Variants in BMS1 observed in about 807,000 individuals in gnomAD.
BMS1 encodes the protein ribosome biogenesis protein BMS1 homolog.
Under a neutral mutation model 138.7 loss-of-function variants are expected in BMS1, and 53 were observed. That is an observed-to-expected ratio of 0.38 (90% CI 0.31 to 0.48). BMS1 has a LOEUF of 0.48. BMS1 is among the 20% of genes least tolerant of loss of function. The pLI is 0.97. For synonymous variants in BMS1, 504 were observed against 539.9 expected (o/e 0.93, Z 0.92); for missense variants, 1,360 against 1,565.5 (o/e 0.87, Z 2.22).
chr10:42,821,632 A>G (rs1010959091), intron 18 of BMS1, among the ~76,000 whole-genome samples: 7 of 139,514 alleles, frequency 5.0e-5, no homozygotes, highest in Non-Finnish European at 1.5e-5. Flanking sequence ...GGCTCACTGC[A>G]ACCTCTGCCT....
chr10:42,783,485 A>G (rs960951452), intron 1 of BMS1, among the ~76,000 whole-genome samples: 8 of 152,236 alleles, frequency 5.3e-5, no homozygotes, highest in African/African-American at 1.9e-4. Flanking sequence ...TGCCTAGCAC[A>G]TCGTAGACAG....
In BMS1 at chr10:42,830,247, G is replaced by A. The variant is rs1280425130; in HGVS notation, c.3457-14G>A. The A allele has an allele frequency of 1.9e-6, 3 of 1,608,590 alleles. No individual in the cohort carries two copies. The highest frequency in any genetic ancestry group is 2.2e-5 in the East Asian group (1 of 44,866). Reference sequence around the variant, plus strand: ...ATAATTTGAATATGTCACAGTCTTTGTTTTTCTTTTCAGCCAATCCTGAGG... The same window carrying A: ...ATAATTTGAATATGTCACAGTCTTTATTTTTCTTTTCAGCCAATCCTGAGG... On this transcript the variant is annotated splice_polypyrimidine_tract_variant and intron_variant, in intron 21 of 22. Coordinates refer to ENST00000374518, the MANE Select transcript of BMS1 (RefSeq NM_014753.4).
At position 42,792,925 on chromosome 10, in the gene BMS1, G is replaced by C. The variant is rs775120625; in HGVS notation, c.902-32G>C. On this transcript the variant is annotated intron_variant, in intron 7 of 22. Transcript: ENST00000374518. ...GGTAGATGCTTCTGACTTCTTGTCA[G>C]CTGAAGCTGGCTTTTGGGTTCTGTC... is the stretch of plus-strand genomic sequence containing the variant. 72 of 1,591,782 alleles carry C rather than the reference G, an allele frequency of 4.5e-5. No individual in the cohort carries two copies. The Middle Eastern group carries it at 8.8e-4, about 19-fold the overall frequency.
rs749716811 is a variant in BMS1, at chr10:42,796,498, A to G, written c.1254A>G (p.Lys418=). Residue 418 remains lysine (K), a synonymous_variant, in exon 10 of 23, where the codon AAA becomes AAG. Coordinates refer to ENST00000374518, the MANE Select transcript of BMS1 (RefSeq NM_014753.4). The part of the protein sequence containing the change: ...NQGLMMPKEE[K]QMDLNTGRMR... ...GGCTAATGATGCCAAAGGAGGAAAAACAAATGGACTTGAACACTGGTCGAA... is the reference window on the plus strand; with the variant it reads ...GGCTAATGATGCCAAAGGAGGAAAAGCAAATGGACTTGAACACTGGTCGAA... 2.5e-6 allele frequency: 4 copies of G among 1,612,968 alleles called. No individual in the cohort carries two copies. The highest frequency in any genetic ancestry group is 2.5e-6 in the Non-Finnish European group (3 of 1,178,986).
At chr10:42,817,546 A>C in intron 15 of BMS1, 52 bp downstream of exon 15, 1 of 1,535,650 alleles carries the variant, frequency 6.5e-7, no homozygotes. Context: ...CATATAGCGC[A>C]GGAATCCCTG....
At chr10:42,826,216 T>C (rs541670483) in intron 21 of BMS1, among the ~76,000 whole-genome samples, 1 of 150,454 alleles carries the variant, frequency 6.6e-6, no homozygotes, top group East Asian at 2.0e-4. Context: ...ATTGGAGAAG[T>C]TGACCTGTAG....
Position 42,820,243 on chromosome 10 carries a change from G to T in BMS1, c.2588G>T (p.Arg863Leu), listed in dbSNP as rs149685685. 24 of 1,611,106 alleles carry T rather than the reference G, an allele frequency of 1.5e-5. No individual in the cohort carries two copies. The highest frequency in any genetic ancestry group is 2.0e-5 in the Non-Finnish European group (24 of 1,179,768). ...ATTCCCCATCATGTACAGCTGAATC[G>T]CGCAGAATTTGAAGATCAAGATGAT... is the stretch of plus-strand genomic sequence containing the variant. Reference protein sequence around the residue: ...GEMQKQAQLNRAEFEDQDDEA... With the variant: ...GEMQKQAQLNLAEFEDQDDEA... The change falls in exon 16 of 23, where the codon CGC (arginine) becomes CTC (leucine). Residue 863 changes from arginine to leucine, a missense_variant. Physicochemically the swap from Arg to Leu is moderately radical, Grantham distance 102. Transcript: ENST00000374518.
At chr10:42,812,201 G>A (rs1020495093) in intron 13 of BMS1, among the ~76,000 whole-genome samples, 27 of 152,282 alleles carry the variant, frequency 1.8e-4, no homozygotes, top group African/African-American at 5.3e-4. Context: ...GCTAGAGTGC[G>A]GTGGCATGAA....
chr10:42,798,652 A>G (rs373417095), intron 12 of BMS1, 27 bp downstream of exon 12: 126 of 1,608,662 alleles, frequency 7.8e-5, no homozygotes, highest in Non-Finnish European at 1.0e-4. Flanking sequence ...CATTTGATTT[A>G]TTAGAGAATT....
intron 1 of BMS1, among the ~76,000 whole-genome samples, chr10:42,783,914 T>C (rs193000925): frequency 3.9e-5 from 6 of 152,308 alleles, no homozygotes; most frequent in African/African-American, 1.4e-4. Context: ...ACTTCATCAG[T>C]CCAGTTGATA....
At chr10:42,788,652 A>G (rs1841412445) in intron 4 of BMS1, among the ~76,000 whole-genome samples, 1 of 152,106 alleles carries the variant, frequency 6.6e-6, no homozygotes, top group Non-Finnish European at 1.5e-5. Flanking sequence ...TCCCCTTCCC[A>G]GCCTCTTAAC....
At chr10:42,788,827 C>G (rs568715250) in intron 4 of BMS1, among the ~76,000 whole-genome samples, 236 of 152,274 alleles carry the variant, frequency 1.5e-3, no homozygotes, top group Non-Finnish European at 2.7e-3. Flanking sequence ...GAGCAGTATC[C>G]TTTTAGATAC....
chr10:42,793,486 A>G (rs545081123), intron 8 of BMS1, among the ~76,000 whole-genome samples: 12 of 152,108 alleles, frequency 7.9e-5, no homozygotes, highest in African/African-American at 2.7e-4. Context: ...TGGTCTCCTC[A>G]TGCTGTATTT....
In BMS1 at chr10:42,782,835, G is replaced by A. The variant is rs1411058267; in HGVS notation, c.-34+5G>A. 6.5e-6 allele frequency: 1 copy of A among 153,292 alleles called. No individual in the cohort carries two copies. The highest frequency in any genetic ancestry group is 1.9e-4 in the East Asian group (1 of 5,192). 9.5% of individuals were successfully genotyped at this position (153,292 alleles called of 1,614,324 possible). On this transcript the variant is annotated splice_donor_5th_base_variant and intron_variant, in intron 1 of 22. Transcript: ENST00000374518. The stretch of plus-strand genomic sequence containing the variant: ...AGGAGTCGCGGCTGCGAGCAGGTTC[G>A]GTGCTGCGGGTTGGGGTAGGCGGCG...
rs1842847088 is a variant in BMS1, at chr10:42,834,858, T to C, written c.*3762T>C. 6.6e-6 allele frequency: 1 copy of C among 152,192 alleles called. No individual in the cohort carries two copies. 9.4% of individuals were successfully genotyped at this position (152,192 alleles called of 1,614,324 possible). Reference sequence around the variant, plus strand: ...TTTTTGAGGGGAGGGGTGGGCTTGTTTTTTTCTGTGTTTCGGTTTTTTCCA... The same window carrying C: ...TTTTTGAGGGGAGGGGTGGGCTTGTCTTTTTCTGTGTTTCGGTTTTTTCCA... On this transcript the variant is annotated 3_prime_UTR_variant, in exon 23 of 23. Transcript: ENST00000374518.
chr10:42,805,177 G>A (rs1841977985), intron 13 of BMS1, among the ~76,000 whole-genome samples: 1 of 152,092 alleles, frequency 6.6e-6, no homozygotes, highest in South Asian at 2.1e-4. Flanking sequence ...ATAGAGTGTT[G>A]GGTATGGATT....
At chr10:42,790,575 C>T (rs532221339) in intron 5 of BMS1, 64 bp downstream of exon 5, 113 of 1,541,840 alleles carry the variant, frequency 7.3e-5, no homozygotes, top group Non-Finnish European at 9.4e-5. Context: ...CTGAAGAGGC[C>T]GGGTGCAGTG....
At chr10:42,810,984 T>G (rs1842157873) in intron 13 of BMS1, among the ~76,000 whole-genome samples, 1 of 152,298 alleles carries the variant, frequency 6.6e-6, no homozygotes, top group East Asian at 1.9e-4. Context: ...GCTTTTTGTT[T>G]CATTGATTTT....
chr10:42,810,844 T>C (rs1400167817), intron 13 of BMS1, among the ~76,000 whole-genome samples: 1 of 152,204 alleles, frequency 6.6e-6, no homozygotes, highest in Non-Finnish European at 1.5e-5. Flanking sequence ...ATTTGCTTAA[T>C]ACTCTTTAAC....
Sources: allele counts gnomAD v4.1 joint callset (sites outside exome capture counted in the v4.1 genomes callset), GRCh38; gene constraint gnomAD v4.1.1; transcripts MANE v1.5; gene names NCBI Gene and HGNC (gene_info 2026-07-23, HGNC 2026-07-21).